SNAPC3: variants seen among roughly 807,000 people sequenced by gnomAD.
The protein encoded by SNAPC3 is small nuclear RNA activating complex polypeptide 3.
A neutral mutation model predicts 47.7 loss-of-function variants in SNAPC3; 56 were observed. The ratio of observed to expected loss-of-function variants is 1.18; its 90% CI spans 0.95 to 1.47. The LOEUF (loss-of-function observed/expected upper bound fraction) is 1.47, where lower values mean the gene tolerates loss of function less well. Ranked by LOEUF, SNAPC3 falls within the 40% of genes most tolerant of loss-of-function variation. SNAPC3 has a pLI of 0.00. For missense variants in SNAPC3, 665 were observed against 511.3 expected, an observed-to-expected ratio of 1.30 and a Z score of -2.90; for synonymous variants, 235 against 189.9, an observed-to-expected ratio of 1.24 and a Z score of -1.95.
At chr9:15,447,318 T>C in intron 5 of SNAPC3, 74 bp downstream of exon 5, 1 of 1,324,338 alleles carries the variant, frequency 7.6e-7, no homozygotes, top group Middle Eastern at 1.8e-4. Flanking sequence ...AGCTGGTTCA[T>C]AAATGTCCCA....
At chr9:15,445,636 A>AATT (rs58538221) in intron 4 of SNAPC3, among the ~76,000 whole-genome samples, 106,753 of 151,702 alleles carry the variant, frequency 0.7, 39,696 homozygotes, top group Admixed American at 0.82. Flanking sequence ...AGTTAATACT[A>AATT]ATCTTATTTG....
intron 2 of SNAPC3, among the ~76,000 whole-genome samples, chr9:15,425,697 C>T (rs2031286113): frequency 6.6e-6 from 1 of 152,242 alleles, no homozygotes; most frequent in Non-Finnish European, 1.5e-5. Flanking sequence ...TACTGCCTTG[C>T]TCCAATTGGT....
intron 3 of SNAPC3, among the ~76,000 whole-genome samples, chr9:15,443,574 C>T (rs1319458262): frequency 6.6e-6 from 1 of 152,164 alleles, no homozygotes; most frequent in African/African-American, 2.4e-5. Flanking sequence ...TCCTTAAATA[C>T]CTGGCTCCAA....
downstream of SNAPC3, chr9:15,462,458 A>G (rs1362829785): frequency 6.6e-6 from 1 of 152,212 alleles, no homozygotes; most frequent in Non-Finnish European, 1.5e-5. Context: ...CCCTGATTTA[A>G]GACAGCTTTT....
chr9:15,431,463 T>G (rs1289139973), intron 2 of SNAPC3, among the ~76,000 whole-genome samples: 2 of 152,218 alleles, frequency 1.3e-5, no homozygotes, highest in African/African-American at 4.8e-5. Flanking sequence ...TCCTTAACCT[T>G]TGTTCAAATT....
At position 15,451,332 on chromosome 9, in the gene SNAPC3, T is replaced by C; in HGVS notation, c.745T>C (p.Ser249Pro). 2.1e-6 allele frequency: 3 copies of C among 1,461,534 alleles called. No homozygotes were observed. Among genetic ancestry groups the C allele is most frequent in the Non-Finnish European group, 2.8e-6 (3 of 1,055,366 alleles). 90.5% of individuals were successfully genotyped at this position (1,461,534 alleles called of 1,614,324 possible). ...PEHISKDLYK[S>P]AFFYFEGTFY... Reference sequence around the variant, plus strand: ...TGTTTTCTTGTAGGACCTATACAAATCAGCCTTCTTTTATTTTGAAGGAAC... The same window carrying C: ...TGTTTTCTTGTAGGACCTATACAAACCAGCCTTCTTTTATTTTGAAGGAAC... The change falls in exon 6 of 9, where the codon TCA (serine) becomes CCA (proline). Residue 249 changes from serine (S) to proline (P), a missense_variant. By Grantham distance (74) the Ser-to-Pro change is moderately conservative. Coordinates refer to ENST00000380821, the MANE Select transcript of SNAPC3 (RefSeq NM_001039697.2).
intron 2 of SNAPC3, among the ~76,000 whole-genome samples, chr9:15,427,124 G>T (rs1324443216): frequency 6.6e-6 from 1 of 152,128 alleles, no homozygotes. Flanking sequence ...CTCGTTTTAT[G>T]CATATAAGGG....
chr9:15,454,761 G>C (rs910219701), intron 7 of SNAPC3, among the ~76,000 whole-genome samples: 7 of 152,140 alleles, frequency 4.6e-5, no homozygotes, highest in Middle Eastern at 3.4e-3. Context: ...CACAGTGAAA[G>C]CGTCTCTACT....
intron 3 of SNAPC3, among the ~76,000 whole-genome samples, chr9:15,442,337 G>T (rs540477603): frequency 6.6e-6 from 1 of 151,818 alleles, no homozygotes; most frequent in Non-Finnish European, 1.5e-5. Context: ...GGCTGGACGG[G>T]GCGGCTGCCG....
chr9:15,441,391 T>TTTC (rs1033646427), intron 3 of SNAPC3, among the ~76,000 whole-genome samples: 2 of 117,286 alleles, frequency 1.7e-5, no homozygotes, highest in East Asian at 2.0e-4. Flanking sequence ...TTCTTTTTTT[T>TTTC]TTTTTTTTTT....
intron 2 of SNAPC3, 30 bp from the exon 3 acceptor site, chr9:15,433,522 A>ATTTTT: frequency 1.7e-6 from 2 of 1,153,946 alleles, no homozygotes; most frequent in East Asian, 2.8e-5. Context: ...TTGAACTTTG[A>ATTTTT]TTTTTTTTTT....
chr9:15,448,832 T>G (rs1005666785), intron 5 of SNAPC3, among the ~76,000 whole-genome samples: 1 of 152,146 alleles, frequency 6.6e-6, no homozygotes, highest in East Asian at 1.9e-4. Flanking sequence ...TCTTTTTTTT[T>G]TGGATGGGGC....
rs569444957 is a variant in SNAPC3 at position 15,455,956 on chromosome 9, C to T, written c.981-2004C>T. On this transcript the variant is annotated intron_variant, in intron 7 of 8. Coordinates refer to ENST00000380821, the MANE Select transcript of SNAPC3 (RefSeq NM_001039697.2). ...GTGGCGTGATCTCGGCTCACCACAA[C>T]CTCTGCCTCCCAGGTTCAGGCAATT... 2.6e-5 allele frequency among the ~76,000 whole-genome samples: 4 copies of T among 152,230 alleles called. No individual in the cohort carries two copies. In the East Asian group the frequency reaches 7.7e-4, roughly 29 times the overall value.
chr9:15,443,809 A>G (rs1010126788), intron 3 of SNAPC3, among the ~76,000 whole-genome samples: 1 of 152,212 alleles, frequency 6.6e-6, no homozygotes, highest in Non-Finnish European at 1.5e-5. Flanking sequence ...CTCATCGGCG[A>G]GGGGCGAAGG....
intron 3 of SNAPC3, among the ~76,000 whole-genome samples, chr9:15,439,088 C>G (rs941102906): frequency 6.6e-6 from 1 of 151,790 alleles, no homozygotes; most frequent in Non-Finnish European, 1.5e-5. Flanking sequence ...CTGCGCATTG[C>G]TGCCTCAACC....
At chr9:15,462,856 T>C (rs1379000306), downstream of SNAPC3, 1 of 152,174 alleles carries the variant, frequency 6.6e-6, no homozygotes, top group Non-Finnish European at 1.5e-5. Context: ...GGTTTGCTAT[T>C]TCCATTAGAG....
At chr9:15,436,050 G>A (rs966435220) in intron 3 of SNAPC3, among the ~76,000 whole-genome samples, 3 of 152,044 alleles carry the variant, frequency 2.0e-5, no homozygotes, top group African/African-American at 7.2e-5. Context: ...CACCATGTTG[G>A]CTAGGATGGT....
At chr9:15,441,259 T>C (rs886127908) in intron 3 of SNAPC3, among the ~76,000 whole-genome samples, 1 of 151,752 alleles carries the variant, frequency 6.6e-6, no homozygotes, top group Middle Eastern at 3.4e-3. Flanking sequence ...TTATATACCC[T>C]GAAGTGGGAT....
chr9:15,445,327 G>A (rs2033843316), intron 4 of SNAPC3, among the ~76,000 whole-genome samples: 3 of 152,142 alleles, frequency 2.0e-5, no homozygotes, highest in Admixed American at 2.0e-4. Context: ...ATTCTTGAGG[G>A]ATTTTTGCAG....
Sources: gnomAD v4.1 joint callset for allele counts (sites outside exome capture counted in the v4.1 genomes callset) on GRCh38, gnomAD v4.1.1 for gene constraint, MANE v1.5 for transcripts, NCBI Gene and HGNC (gene_info 2026-07-23, HGNC 2026-07-21) for gene names.